The following TEX9 variants were observed in gnomAD, a reference collection of about 807,000 sequenced individuals.
The protein encoded by TEX9 is testis expressed 9, also known as testis-expressed protein 9.
A neutral mutation model predicts 59.6 loss-of-function variants in TEX9; 74 were observed. That is an observed-to-expected ratio of 1.24 (90% CI 1.03 to 1.51). TEX9 has a LOEUF of 1.51. TEX9 is among the 40% of genes most tolerant of loss of function. TEX9 has a pLI of 0.00. For synonymous variants in TEX9, 186 were observed against 152.2 expected (o/e 1.22, Z -1.64); for missense variants, 522 against 447.8 (o/e 1.17, Z -1.49).
chr15:56,293,560 G>T (rs1208984072), intron 1 of TEX9, among the ~76,000 whole-genome samples: 3 of 152,138 alleles, frequency 2.0e-5, no homozygotes, highest in Non-Finnish European at 4.4e-5. Flanking sequence ...GTTCTGGGGT[G>T]GGGGGTGTAG....
At chr15:56,422,540 T>G (rs1348563029) in intron 10 of TEX9, among the ~76,000 whole-genome samples, 1 of 151,830 alleles carries the variant, frequency 6.6e-6, no homozygotes, top group Non-Finnish European at 1.5e-5. Context: ...TAATATAGCA[T>G]TTTATGAATA....
intron 1 of TEX9, among the ~76,000 whole-genome samples, chr15:56,300,525 C>T (rs1199453365): frequency 6.6e-6 from 1 of 151,236 alleles, no homozygotes; most frequent in African/African-American, 2.4e-5. Flanking sequence ...ATTGTAGAGC[C>T]CTTGGACCTT....
At chr15:56,277,680 G>C (rs1289721530) in intron 1 of TEX9, among the ~76,000 whole-genome samples, 1 of 152,168 alleles carries the variant, frequency 6.6e-6, no homozygotes, top group African/African-American at 2.4e-5. Flanking sequence ...GAAATTCAAA[G>C]TAGTTGTTTT....
At chr15:56,259,680 C>A (rs1185757339) in intron 1 of TEX9, among the ~76,000 whole-genome samples, 1 of 151,866 alleles carries the variant, frequency 6.6e-6, no homozygotes, top group Non-Finnish European at 1.5e-5. Context: ...GTAAATCTTC[C>A]AACAATTTAT....
At chr15:56,244,037 G>C (rs1448638831) in exon 1 of TEX9, 1 of 151,086 alleles carries the variant, frequency 6.6e-6, no homozygotes, top group Non-Finnish European at 1.5e-5. Flanking sequence ...CTGGGGGCCG[G>C]GAGGAGTCCG....
intron 1 of TEX9, among the ~76,000 whole-genome samples, chr15:56,314,525 T>C (rs879268079): frequency 0.04 from 5,957 of 147,692 alleles, 169 homozygotes; most frequent in Admixed American, 0.078. Flanking sequence ...TAGTTTGTTA[T>C]AATTTCTGTT....
chr15:56,269,173 C>G (rs542201407), intron 1 of TEX9, among the ~76,000 whole-genome samples: 1 of 152,044 alleles, frequency 6.6e-6, no homozygotes, highest in Non-Finnish European at 1.5e-5. Flanking sequence ...GGTGATATCC[C>G]CTTTGTCATT....
chr15:56,416,619 T>C (rs1436475981), intron 10 of TEX9, among the ~76,000 whole-genome samples: 1 of 151,898 alleles, frequency 6.6e-6, no homozygotes, highest in Non-Finnish European at 1.5e-5. Flanking sequence ...GCAAATATTT[T>C]GTTGAGGATT....
chr15:56,266,935 C>T (rs192325884), intron 1 of TEX9, among the ~76,000 whole-genome samples: 176 of 152,270 alleles, frequency 1.2e-3, no homozygotes, highest in Non-Finnish European at 2.0e-3. Flanking sequence ...AGTTTACAGT[C>T]CCACCAACAG....
intron 12 of TEX9, among the ~76,000 whole-genome samples, chr15:56,437,147 C>CA (rs1395688314): frequency 1.3e-5 from 2 of 151,964 alleles, no homozygotes; most frequent in Non-Finnish European, 2.9e-5. Context: ...GTCATCCTGA[C>CA]AGAGACACCA....
rs1338471546 is a variant in TEX9 at position 56,379,718 on chromosome 15, C to T, written c.184-4234C>T. On this transcript the variant is annotated intron_variant, in intron 3 of 12. Transcript: ENST00000352903. ...AATATTTGCTTTATGTATCTGGGTGCTCCAGTGTTGCATGCATTTATATGC... is the reference window on the plus strand; with the variant it reads ...AATATTTGCTTTATGTATCTGGGTGTTCCAGTGTTGCATGCATTTATATGC... Among the ~76,000 whole-genome samples, 10 of 152,260 alleles carry T rather than the reference C, an allele frequency of 6.6e-5. No individual in the cohort carries two copies. The South Asian group carries it at 1.7e-3, about 25-fold the overall frequency.
rs111239044 is a variant in TEX9 at position 56,430,299 on chromosome 15, C to T, written c.*29+1826C>T. Among the ~76,000 whole-genome samples, 415 of 152,260 alleles carry T rather than the reference C, an allele frequency of 2.7e-3. 1 individual carries two copies. The highest frequency in any genetic ancestry group is 4.9e-3 in the Non-Finnish European group (331 of 68,000). On this transcript the variant is annotated intron_variant, in intron 12 of 12. Coordinates refer to ENST00000352903, the Ensembl canonical transcript of TEX9. Reference sequence around the variant, plus strand: ...ATGGGTCACTGCAGCTTCAACTTTCCAGGCTCAAGCAATCTTCCAACCTCA... The same window carrying T: ...ATGGGTCACTGCAGCTTCAACTTTCTAGGCTCAAGCAATCTTCCAACCTCA...
chr15:56,363,730 A>T (rs1404550777), upstream of TEX9, among the ~76,000 whole-genome samples: 1 of 151,400 alleles, frequency 6.6e-6, no homozygotes, highest in Non-Finnish European at 1.5e-5. Flanking sequence ...CAGTGGTGTG[A>T]CCATGGCTCT....
chr15:56,435,684 A>T (rs1004622147), intron 12 of TEX9, among the ~76,000 whole-genome samples: 1 of 152,168 alleles, frequency 6.6e-6, no homozygotes, highest in African/African-American at 2.4e-5. Context: ...ATAACTTAAA[A>T]TTCCTCCAAA....
the TEX9 span, among the ~76,000 whole-genome samples, chr15:56,460,001 A>AT: frequency 2.9e-5 from 1 of 33,900 alleles, no homozygotes; most frequent in African/African-American, 1.1e-4. Context: ...AAAAAAAAAA[A>AT]AAAAAAAAAT....
chr15:56,314,324 C>A (rs1281901553), intron 1 of TEX9, among the ~76,000 whole-genome samples: 1 of 64,604 alleles, frequency 1.5e-5, no homozygotes, highest in African/African-American at 5.0e-5. Context: ...GCTTTGAATG[C>A]GTCCCAGAGA....
At chr15:56,355,860 TCATACTAATTATGAA>T (rs1387805524) in intron 1 of TEX9, among the ~76,000 whole-genome samples, 8 of 152,254 alleles carry the variant, frequency 5.3e-5, no homozygotes, top group Admixed American at 4.6e-4. Context: ...TTCCAATTGT[TCATACTAATTATGAA>T]CATACTAATT....
chr15:56,291,154 A>G (rs2045079420), intron 1 of TEX9, among the ~76,000 whole-genome samples: 2 of 152,228 alleles, frequency 1.3e-5, no homozygotes, highest in African/African-American at 4.8e-5. Flanking sequence ...AGAGTTATTC[A>G]TTGATACAGA....
At chr15:56,431,537 TTAATC>T (rs746946642) in intron 12 of TEX9, 1 of 1,608,828 alleles carries the variant, frequency 6.2e-7, no homozygotes, top group Non-Finnish European at 8.5e-7. Flanking sequence ...ACAAAGTACA[TTAATC>T]TTATACGAAG....
Sources: allele counts gnomAD v4.1 joint callset (sites outside exome capture counted in the v4.1 genomes callset), GRCh38; gene constraint gnomAD v4.1.1; transcripts MANE v1.5; gene names NCBI Gene and HGNC (gene_info 2026-07-23, HGNC 2026-07-21).